ATL3: variants seen among roughly 807,000 people sequenced by gnomAD.
The protein encoded by ATL3 is atlastin GTPase 3, also known as atlastin-3.
ATL3 carries 49 observed loss-of-function variants against 69.5 expected under a neutral mutation model. That is an observed-to-expected ratio of 0.71 (90% CI 0.56 to 0.89). ATL3 has a LOEUF of 0.89. Ranked by LOEUF, ATL3 falls within the 40% of genes least tolerant of loss-of-function variation. The probability of loss-of-function intolerance (pLI) is 0.00; values close to 1 mark genes in which losing one functional copy is unlikely to be tolerated. For synonymous variants in ATL3, 214 were observed against 224.1 expected (o/e 0.95, Z 0.40); for missense variants, 606 against 645.7 (o/e 0.94, Z 0.67).
Position 63,652,562 on chromosome 11 carries a change from A to G in ATL3, c.419T>C (p.Leu140Pro), listed in dbSNP as rs755929064. 6.2e-7 allele frequency: 1 copy of G among 1,609,908 alleles called. No individual in the cohort carries two copies. The highest frequency in any genetic ancestry group is 1.1e-5 in the South Asian group (1 of 90,398). ...KPGGKKVAVV[L>P]MDTQGAFDSQ... ...GTCAAATGCCCCCTGGGTATCCATC[A>G]GAACAACTGCAACCTAAAAAAAAGG... Residue 140 changes from leucine (L) to proline (P), a missense_variant, in exon 4 of 13, where the codon CTG (leucine) becomes CCG (proline). Leu to Pro is a moderately conservative substitution (Grantham distance 98). Coordinates refer to ENST00000398868, the MANE Select transcript of ATL3 (RefSeq NM_015459.5).
Position 63,629,068 on chromosome 11 carries a change from G to A in ATL3, c.*251C>T, listed in dbSNP as rs886373143. ...TCCTCCATAAAGTGCACAAAGCAGA[G>A]TAATATGAAAATAGACACAGGCTTG... On this transcript the variant is annotated 3_prime_UTR_variant, in exon 13 of 13. Coordinates refer to ENST00000398868, the MANE Select transcript of ATL3 (RefSeq NM_015459.5). The A allele has an allele frequency of 2.1e-6, 1 of 474,334 alleles. No individual in the cohort carries two copies. 29.4% of individuals were successfully genotyped at this position (474,334 alleles called of 1,614,324 possible). A position where few individuals can be genotyped will look rare whatever the true frequency, so the allele number is the denominator to read the frequency against.
chr11:63,635,007 C>G (rs1939468069), intron 10 of ATL3, among the ~76,000 whole-genome samples: 2 of 151,042 alleles, frequency 1.3e-5, no homozygotes, highest in South Asian at 4.2e-4. Context: ...TTAAAAAATA[C>G]AAAAATTAGC....
At chr11:63,646,470 C>G (rs1359231683) in intron 6 of ATL3, 37 bp downstream of exon 6, 1 of 1,337,406 alleles carries the variant, frequency 7.5e-7, no homozygotes, top group Non-Finnish European at 1.0e-6. Context: ...AAAACAAAAA[C>G]AAAGGTATGA....
chr11:63,633,316 T>C (rs973284073), intron 10 of ATL3, among the ~76,000 whole-genome samples: 3 of 152,242 alleles, frequency 2.0e-5, no homozygotes, highest in Admixed American at 2.0e-4. Flanking sequence ...GAAATATGTA[T>C]TCTTATACAT....
intron 3 of ATL3, 104 bp from the exon 4 acceptor site, chr11:63,652,679 T>C: frequency 2.8e-6 from 2 of 721,310 alleles, no homozygotes; most frequent in East Asian, 2.8e-5. Context: ...GTACAGGTAA[T>C]GTTTATGTGA....
chr11:63,643,668 C>T (rs1404900738), intron 7 of ATL3, among the ~76,000 whole-genome samples, 173 bp from the exon 8 acceptor site: 8 of 152,146 alleles, frequency 5.3e-5, no homozygotes, highest in Admixed American at 5.2e-4. Flanking sequence ...TGATTACCTA[C>T]GGCTTGACTC....
Position 63,659,268 on chromosome 11 carries a change from GA to G in ATL3, c.47-17del. ...ATGGCATCATCTATGTTCATGCAGA[GA>G]AAAAAAATCAGTGTCAAATATTTAA... On this transcript the variant is annotated splice_polypyrimidine_tract_variant and intron_variant, in intron 1 of 12. Transcript: ENST00000398868. 4 of 1,599,132 alleles carry G rather than the reference GA, an allele frequency of 2.5e-6. No homozygotes were observed. Among genetic ancestry groups the G allele is most frequent in the Non-Finnish European group, 3.4e-6 (4 of 1,172,532 alleles).
At chr11:63,635,497 T>G (rs1027087649) in intron 10 of ATL3, 37 bp downstream of exon 10, 9 of 1,567,584 alleles carry the variant, frequency 5.7e-6, no homozygotes, top group Admixed American at 3.4e-5. Flanking sequence ...CTCAAGTAAT[T>G]TAAGGGTAGC....
rs3832716 is a variant in ATL3 at position 63,635,397 on chromosome 11, T to TA, written c.1035+136dup. The stretch of plus-strand genomic sequence containing the variant: ...GTCGCCACACTACTGCAAAATGTGC[T>TA]AAAAAAAAATTAACAGACCTCAGCA... On this transcript the variant is annotated intron_variant, in intron 10 of 12. Transcript: ENST00000398868. The TA allele has an allele frequency of 0.3, 205,779 of 679,508 alleles. 31,086 individuals carry two copies. The highest frequency in any genetic ancestry group is 0.73 in the East Asian group (22,162 of 30,294). 42.1% of individuals were successfully genotyped at this position (679,508 alleles called of 1,614,324 possible). A position where few individuals can be genotyped will look rare whatever the true frequency, so the allele number is the denominator to read the frequency against.
chr11:63,646,415 T>C lies in ATL3; in HGVS notation c.618+92A>G. 5 of 697,796 alleles carry C rather than the reference T, an allele frequency of 7.2e-6. No individual in the cohort carries two copies. The South Asian group carries it at 8.9e-5, about 12-fold the overall frequency. 43.2% of individuals were successfully genotyped at this position (697,796 alleles called of 1,614,324 possible). On this transcript the variant is annotated intron_variant, in intron 6 of 12. Coordinates refer to ENST00000398868, the MANE Select transcript of ATL3 (RefSeq NM_015459.5). ...AGCTCACAAGTCATATAAAAACAGGTGGCAAGCTAGATTTGGCCTATGAGC... is the reference window on the plus strand; with the variant it reads ...AGCTCACAAGTCATATAAAAACAGGCGGCAAGCTAGATTTGGCCTATGAGC...
Position 63,631,555 on chromosome 11 carries a change from T to C in ATL3, c.1108-84A>G, listed in dbSNP as rs1227514124. ...AAACATGAAAAGATAATGAAAGGAT[T>C]AGAATGTTTTAAGATGTTAACAATG... On this transcript the variant is annotated intron_variant, in intron 11 of 12. Coordinates refer to ENST00000398868, the MANE Select transcript of ATL3 (RefSeq NM_015459.5). 2.5e-6 allele frequency: 3 copies of C among 1,204,708 alleles called. No individual in the cohort carries two copies. In the African/African-American group the frequency reaches 4.6e-5, roughly 19 times the overall value. 74.6% of individuals were successfully genotyped at this position (1,204,708 alleles called of 1,614,324 possible).
In ATL3 at chr11:63,629,416, C is replaced by A. The variant is rs1181982439; in HGVS notation, c.1540-11G>T. ...GATATGAGAAGAAGCCTGCAAAAGT[C>A]CATTTATTCAACATATAAGTTAATA... On this transcript the variant is annotated splice_polypyrimidine_tract_variant and intron_variant, in intron 12 of 12. Coordinates refer to ENST00000398868, the MANE Select transcript of ATL3 (RefSeq NM_015459.5). The A allele has an allele frequency of 6.2e-7, 1 of 1,611,618 alleles. No homozygotes were observed. Among genetic ancestry groups the A allele is most frequent in the East Asian group, 2.2e-5 (1 of 44,882 alleles).
intron 5 of ATL3, among the ~76,000 whole-genome samples, chr11:63,651,439 A>G (rs1299665616): frequency 6.6e-6 from 1 of 151,770 alleles, no homozygotes; most frequent in Non-Finnish European, 1.5e-5. Flanking sequence ...TGAACATAGC[A>G]GCCAGAATGA....
chr11:63,637,771 T>C (rs1002493652), intron 8 of ATL3: 2 of 152,094 alleles, frequency 1.3e-5, no homozygotes, highest in African/African-American at 4.8e-5. Flanking sequence ...TCTTTAATAC[T>C]CCACCAACCA....
rs771191544 is a variant in ATL3 at position 63,645,564 on chromosome 11, CAG to C, written c.618+941_618+942del. On this transcript the variant is annotated intron_variant, in intron 6 of 12. Transcript: ENST00000398868. ...GCAGAGAGAGAGAGAGAGAGAGAGA[CAG>C]AGAGAGACAGAGAGTGAGTGAGTGT... 1.5e-4 allele frequency among the ~76,000 whole-genome samples: 23 copies of C among 150,878 alleles called. No individual in the cohort carries two copies. The East Asian group carries it at 2.0e-3, about 13-fold the overall frequency.
intron 3 of ATL3, among the ~76,000 whole-genome samples, chr11:63,655,198 G>T (rs143346225): frequency 1.4e-3 from 207 of 152,068 alleles, no homozygotes; most frequent in African/African-American, 4.1e-3. Context: ...CATTACTGAG[G>T]CAAGACTGAG....
Position 63,625,356 on chromosome 11 carries a change from G to C in ATL3, c.*3963C>G, listed in dbSNP as rs113112141. 1.3e-5 allele frequency: 2 copies of C among 151,856 alleles called. No homozygotes were observed. The highest frequency in any genetic ancestry group is 2.9e-5 in the Non-Finnish European group (2 of 67,970). The allele number at this position is 151,856 out of a possible 1,614,324, so 9.4% of individuals were successfully genotyped here. ...CTAAATTACATTTCAATAGTTCCAG[G>C]AAAGAAAAAAGTCCTGTGAAGACTT... On this transcript the variant is annotated 3_prime_UTR_variant, in exon 13 of 13. Coordinates refer to ENST00000398868, the MANE Select transcript of ATL3 (RefSeq NM_015459.5).
intron 8 of ATL3, among the ~76,000 whole-genome samples, chr11:63,641,305 A>G (rs1939694036): frequency 6.6e-6 from 1 of 152,210 alleles, no homozygotes; most frequent in African/African-American, 2.4e-5. Context: ...TTTAGTGATT[A>G]AACCATTCAT....
intron 5 of ATL3, 39 bp downstream of exon 5, chr11:63,651,897 A>G (rs1037095437): frequency 1.3e-6 from 2 of 1,564,172 alleles, no homozygotes; most frequent in African/African-American, 1.4e-5. Flanking sequence ...TAAAACTTTT[A>G]AATAATATGA....
Sources: gnomAD v4.1 joint callset for allele counts (sites outside exome capture counted in the v4.1 genomes callset) on GRCh38, gnomAD v4.1.1 for gene constraint, MANE v1.5 for transcripts, NCBI Gene and HGNC (gene_info 2026-07-23, HGNC 2026-07-21) for gene names.